The following ZBTB16 variants were observed in gnomAD, a reference collection of about 807,000 sequenced individuals.
ZBTB16 encodes the protein zinc finger and BTB domain containing 16.
In ZBTB16, 8 loss-of-function variants were observed where a neutral mutation model predicts 56.8. The observed-to-expected ratio is 0.14, with a 90% CI of 0.08 to 0.25. The LOEUF (loss-of-function observed/expected upper bound fraction) is 0.25, where lower values mean the gene tolerates loss of function less well. Ranked by LOEUF, ZBTB16 falls within the 10% of genes least tolerant of loss-of-function variation. The probability of loss-of-function intolerance (pLI) is 1.00; values close to 1 mark genes in which losing one functional copy is unlikely to be tolerated. For synonymous variants in ZBTB16, 363 were observed against 368.5 expected (o/e 0.98, Z 0.17); for missense variants, 625 against 903.0 (o/e 0.69, Z 3.95).
In ZBTB16 at chr11:114,253,100, G is replaced by A. The variant is rs1944944424; in HGVS notation, c.*2545G>A. Among the ~76,000 whole-genome samples the A allele has an allele frequency of 6.6e-6, 1 of 152,160 alleles. No homozygotes were observed. The highest frequency in any genetic ancestry group is 2.1e-4 in the South Asian group (1 of 4,824). ...CACTATGGCTTCCTCCTCTGGTCTG[G>A]GAAGAAGCGGGGACTGGCTGGCCCT... On this transcript the variant is annotated 3_prime_UTR_variant, in exon 7 of 7. Coordinates refer to ENST00000335953, the MANE Select transcript of ZBTB16 (RefSeq NM_006006.6).
In ZBTB16 at chr11:114,251,232, C is replaced by T. The variant is rs2135220943; in HGVS notation, c.*677C>T. 6.6e-6 allele frequency among the ~76,000 whole-genome samples: 1 copy of T among 152,256 alleles called. No homozygotes were observed. ...CCAGCCTCCCCTTGACTCCTGTCCT[C>T]CAAGTCCCAGGGGAGTCCCAGCCCC... is the stretch of plus-strand genomic sequence containing the variant. On this transcript the variant is annotated 3_prime_UTR_variant, in exon 7 of 7. Transcript: ENST00000335953.
intron 2 of ZBTB16, among the ~76,000 whole-genome samples, chr11:114,150,479 A>G (rs563190871): frequency 1.3e-5 from 2 of 152,296 alleles, no homozygotes; most frequent in South Asian, 4.1e-4. Context: ...TATTAAAAAC[A>G]ATTATTTAAA....
intron 2 of ZBTB16, among the ~76,000 whole-genome samples, chr11:114,105,250 T>G (rs1157737928): frequency 6.6e-6 from 1 of 151,988 alleles, no homozygotes; most frequent in Non-Finnish European, 1.5e-5. Flanking sequence ...CTCTCTTTTT[T>G]TTTTTTGAGA....
chr11:114,199,273 G>GGCCC lies in ZBTB16; in HGVS notation c.1453+12236_1453+12239dup, dbSNP rs147040417. ...GGGATGCCGGACATGGATGCCGCTGGGCCCAGGGACGGGGATGCCGGACAT... is the reference window on the plus strand; with the variant it reads ...GGGATGCCGGACATGGATGCCGCTGGGCCCGCCCAGGGACGGGGATGCCGGACAT... On this transcript the variant is annotated intron_variant, in intron 4 of 6. Transcript: ENST00000335953. 7.9e-3 allele frequency among the ~76,000 whole-genome samples: 1,192 copies of GGCCC among 150,408 alleles called. 15 individuals are homozygous for GGCCC. Among genetic ancestry groups the GGCCC allele is most frequent in the African/African-American group, 0.027 (1,095 of 40,340 alleles).
intron 4 of ZBTB16, among the ~76,000 whole-genome samples, chr11:114,230,748 C>T (rs1448665397): frequency 1.3e-5 from 2 of 151,760 alleles, no homozygotes; most frequent in African/African-American, 2.4e-5. Flanking sequence ...TTTCATTGCC[C>T]AGTGTTTGGG....
chr11:114,099,323 A>G lies in ZBTB16; in HGVS notation c.1268+34755A>G, dbSNP rs563711484. 7.2e-5 allele frequency among the ~76,000 whole-genome samples: 11 copies of G among 152,244 alleles called. No individual in the cohort carries two copies. The South Asian group carries it at 1.9e-3, about 26-fold the overall frequency. On this transcript the variant is annotated intron_variant, in intron 2 of 6. Transcript: ENST00000335953. The stretch of plus-strand genomic sequence containing the variant: ...AGGAGGAGATGTAGATACTCTGAAT[A>G]TATATATACACATACACACATATAT...
intron 2 of ZBTB16, among the ~76,000 whole-genome samples, chr11:114,119,348 G>A (rs887868074): frequency 1.1e-4 from 16 of 150,948 alleles, no homozygotes; most frequent in East Asian, 3.9e-4. Flanking sequence ...GTGTGTGTGC[G>A]CGCGTGTGTG....
At chr11:114,088,381 A>G (rs1180636932) in intron 2 of ZBTB16, among the ~76,000 whole-genome samples, 5 of 151,926 alleles carry the variant, frequency 3.3e-5, no homozygotes, top group Admixed American at 3.3e-4. Context: ...GCCTCAAGTG[A>G]TCTTCCTGCC....
At chr11:114,237,172 G>T (rs1046968416) in intron 4 of ZBTB16, 2 of 152,216 alleles carry the variant, frequency 1.3e-5, no homozygotes, top group Non-Finnish European at 2.9e-5. Context: ...CAGAGGAGGA[G>T]ACGTGATTTT....
intron 4 of ZBTB16, among the ~76,000 whole-genome samples, chr11:114,223,859 G>C (rs1243467268): frequency 6.6e-6 from 1 of 152,170 alleles, no homozygotes; most frequent in Non-Finnish European, 1.5e-5. Context: ...AGGAATGGGG[G>C]AGAAAGGGAA....
At chr11:114,167,231 G>GTTTTTTTTTTTT (rs1565663129) in intron 3 of ZBTB16, among the ~76,000 whole-genome samples, 2 of 43,204 alleles carry the variant, frequency 4.6e-5, no homozygotes, top group African/African-American at 9.2e-5. Flanking sequence ...TTTTTTTTTT[G>GTTTTTTTTTTTT]GTTTTTTTTT....
At chr11:114,161,658 G>A (rs1421955177) in intron 3 of ZBTB16, among the ~76,000 whole-genome samples, 1 of 152,200 alleles carries the variant, frequency 6.6e-6, no homozygotes, top group Admixed American at 6.5e-5. Context: ...CCTGCAGGGA[G>A]AGAGCAGAGT....
intron 4 of ZBTB16, chr11:114,187,541 T>A (rs767072057): frequency 8.0e-5 from 15 of 188,420 alleles, no homozygotes; most frequent in Non-Finnish European, 1.5e-4. Context: ...TTTATTTGAT[T>A]TCAAAGGGAT....
intron 2 of ZBTB16, among the ~76,000 whole-genome samples, chr11:114,101,686 G>A (rs1360216258): frequency 2.0e-5 from 3 of 152,182 alleles, no homozygotes; most frequent in Admixed American, 1.3e-4. Context: ...AACTTGTAAG[G>A]TTCTTGCAAA....
In ZBTB16 at chr11:114,186,970, T is replaced by C. The variant is rs1010644921; in HGVS notation, c.1385T>C (p.Val462Ala). The change falls in exon 4 of 7, where the codon GTC becomes GCC. Residue 462 changes from valine to alanine, a missense_variant. By Grantham distance (64) the Val-to-Ala change is moderately conservative. Coordinates refer to ENST00000335953, the MANE Select transcript of ZBTB16 (RefSeq NM_006006.6). The part of the protein sequence containing the change: ...LAHSAGAKAF[V>A]CDQCGAQFSK... The stretch of plus-strand genomic sequence containing the variant: ...CTTTCAGCGGGTGCCAAAGCCTTTG[T>C]CTGTGATCAGTGCGGTGCACAGTTT... 9.3e-6 allele frequency: 15 copies of C among 1,613,976 alleles called. No homozygotes were observed. The Admixed American group carries it at 1.0e-4, about 11-fold the overall frequency.
Position 114,143,676 on chromosome 11 carries a change from G to A in ZBTB16, c.1269-12661G>A, listed in dbSNP as rs1483706649. 1.3e-5 allele frequency among the ~76,000 whole-genome samples: 2 copies of A among 152,222 alleles called. No homozygotes were observed. Among genetic ancestry groups the A allele is most frequent in the Admixed American group, 1.3e-4 (2 of 15,290 alleles). On this transcript the variant is annotated intron_variant, in intron 2 of 6. Coordinates refer to ENST00000335953, the MANE Select transcript of ZBTB16 (RefSeq NM_006006.6). The surrounding 1 kb of genome is among the most constrained non-coding windows in gnomAD (Gnocchi z 6.4). ...AGTGGGGCCAACGTCCTTGTGCATTGAGGCTCCAGCCTCTCTTCTCCTCCA... is the reference window on the plus strand; with the variant it reads ...AGTGGGGCCAACGTCCTTGTGCATTAAGGCTCCAGCCTCTCTTCTCCTCCA...
intron 2 of ZBTB16, among the ~76,000 whole-genome samples, chr11:114,142,128 C>T (rs1941966052): frequency 6.6e-6 from 1 of 152,174 alleles, no homozygotes; most frequent in Non-Finnish European, 1.5e-5. Flanking sequence ...GTGATGTTGT[C>T]TTTGTGGCAG....
At chr11:114,244,933 G>T (rs919925912) in intron 5 of ZBTB16, among the ~76,000 whole-genome samples, 3 of 152,180 alleles carry the variant, frequency 2.0e-5, no homozygotes, top group African/African-American at 7.2e-5. Flanking sequence ...GAAGTCTCAC[G>T]TGGCCTTGGC....
At chr11:114,148,714 C>T (rs1270416989) in intron 2 of ZBTB16, among the ~76,000 whole-genome samples, 2 of 151,564 alleles carry the variant, frequency 1.3e-5, no homozygotes, top group Non-Finnish European at 2.9e-5. Flanking sequence ...AGGATGGTCT[C>T]GATCTCCTGA....
Sources: gnomAD v4.1 joint callset for allele counts (sites outside exome capture counted in the v4.1 genomes callset) on GRCh38, gnomAD v4.1.1 for gene constraint, Gnocchi (gnomAD v3.1) non-coding constraint, MANE v1.5 for transcripts, NCBI Gene and HGNC (gene_info 2026-07-23, HGNC 2026-07-21) for gene names.